The following DHX16 variants were observed in gnomAD, a reference collection of about 807,000 sequenced individuals.
The protein encoded by DHX16 is DEAH-box helicase 16.
DHX16 carries 81 observed loss-of-function variants against 131.2 expected under a neutral mutation model. The observed-to-expected ratio is 0.62, with a 90% confidence interval of 0.52 to 0.74. DHX16 has a LOEUF of 0.74. DHX16 is among the 30% of genes least tolerant of loss of function. DHX16 has a pLI of 0.00. For missense variants in DHX16, 980 were observed against 1,363.1 expected (o/e 0.72, Z 4.43); for synonymous variants, 440 against 520.2 (o/e 0.85, Z 2.10).
At chr6:30,667,633 G>A (rs1448446837) in intron 4 of DHX16, among the ~76,000 whole-genome samples, 1 of 150,998 alleles carries the variant, frequency 6.6e-6, no homozygotes. Flanking sequence ...AAAATAACAT[G>A]TTCAGGAAAG....
chr6:30,655,107 G>A (rs1404606172), intron 18 of DHX16, 68 bp downstream of exon 18: 2 of 1,584,576 alleles, frequency 1.3e-6, no homozygotes, highest in African/African-American at 1.3e-5. Context: ...AATGCTGCAT[G>A]CCCCCAGAGA....
chr6:30,671,216 G>A lies in DHX16; in HGVS notation c.266C>T (p.Ala89Val), dbSNP rs750449295. The A allele has an allele frequency of 1.9e-6, 3 of 1,612,818 alleles. No individual in the cohort carries two copies. Among genetic ancestry groups the A allele is most frequent in the Non-Finnish European group, 1.7e-6 (2 of 1,180,030 alleles). The stretch of plus-strand genomic sequence containing the variant: ...ATAAGATCGGTTCTTCTCCAGCAGG[G>A]CCCGGGCCTCTCGCTCTGCTGCCCG... ...PARAAEREARALLEKNRSYRL... is the reference protein window; with the variant it reads ...PARAAEREARVLLEKNRSYRL... Residue 89 changes from alanine (A) to valine (V), a missense_variant, in exon 2 of 20, where the codon GCC (alanine) becomes GTC (valine). Physicochemically the swap from Ala to Val is moderately conservative, Grantham distance 64 (BLOSUM62 0). Coordinates refer to ENST00000376442, the MANE Select transcript of DHX16 (RefSeq NM_003587.5).
intron 1 of DHX16, among the ~76,000 whole-genome samples, chr6:30,672,400 C>T (rs1769647321): frequency 6.6e-6 from 1 of 151,870 alleles, no homozygotes; most frequent in Non-Finnish European, 1.5e-5. Context: ...TTAACAAGAA[C>T]CTTGGATGCA....
Position 30,665,299 on chromosome 6 carries a change from G to C in DHX16, c.922-25C>G. The C allele has an allele frequency of 6.3e-7, 1 of 1,599,054 alleles. No homozygotes were observed. Among genetic ancestry groups the C allele is most frequent in the African/African-American group, 1.3e-5 (1 of 74,996 alleles). ...GCTACAGAGAGAGGGGATATGTGAA[G>C]ACTCAAAAACAGGATGTCCTCTCTG... On this transcript the variant is annotated intron_variant, in intron 5 of 19. Transcript: ENST00000376442. This position sits in a 1 kb window ranked among gnomAD's most constrained non-coding sequence, Gnocchi z 4.8.
chr6:30,654,937 G>C, intron 18 of DHX16, 58 bp from the exon 19 acceptor site: 2 of 1,543,662 alleles, frequency 1.3e-6, no homozygotes, highest in Non-Finnish European at 1.8e-6. Flanking sequence ...GGGACCCTAA[G>C]AATGCACTAC....
rs1159776640 is a variant in DHX16, at chr6:30,653,225, C to T, written c.*17G>A. On this transcript the variant is annotated 3_prime_UTR_variant, in exon 20 of 20. Coordinates refer to ENST00000376442, the MANE Select transcript of DHX16 (RefSeq NM_003587.5). ...AAGGAAAAGGAGCTGGTGTCAGGTT[C>T]TGTTTACGTCCTTCTCTTACCCTAG... 2 of 1,607,224 alleles carry T rather than the reference C, an allele frequency of 1.2e-6. No individual in the cohort carries two copies. The highest frequency in any genetic ancestry group is 3.4e-5 in the Admixed American group (2 of 58,422).
At chr6:30,655,360 G>A in intron 17 of DHX16, 24 bp from the exon 18 acceptor site, 2 of 1,613,844 alleles carry the variant, frequency 1.2e-6, no homozygotes, top group Non-Finnish European at 8.5e-7. Context: ...TAAAAAGAAA[G>A]GAGAGATAAT....
rs1768644173 is a variant in DHX16 at position 30,662,875 on chromosome 6, C to A, written c.1428+36G>T. 1.3e-6 allele frequency: 2 copies of A among 1,597,066 alleles called. No homozygotes were observed. Among genetic ancestry groups the A allele is most frequent in the Non-Finnish European group, 1.7e-6 (2 of 1,166,634 alleles). On this transcript the variant is annotated intron_variant, in intron 8 of 19. Coordinates refer to ENST00000376442, the MANE Select transcript of DHX16 (RefSeq NM_003587.5). The surrounding 1 kb of genome is among the most constrained non-coding windows in gnomAD (Gnocchi z 4.7). The stretch of plus-strand genomic sequence containing the variant: ...GGGAACTGTAGACTGAGTCACAGAC[C>A]CCAGACTCTACCCCCCGGTTCCCTA...
In DHX16 at chr6:30,671,115, T is replaced by C. The variant is rs777790354; in HGVS notation, c.367A>G (p.Lys123Glu). The change falls in exon 2 of 20, where the codon AAA (lysine) becomes GAA (glutamate). Residue 123 changes from lysine (K) to glutamate (E), a missense_variant. Around this residue, in one of 3 missense-constraint regions of DHX16, gnomAD observed 457 missense variants for 554.8 expected, o/e 0.82. Transcript: ENST00000376442. ...RAGSSLQKKR[K>E]KRKHLRKKRE... ...TTCTTCCTGAGGTGTTTCCGCTTTT[T>C]ACGTTTCTTCTGGAGGCTGCTTCCA... The C allele has an allele frequency of 7.4e-6, 12 of 1,613,116 alleles. No individual in the cohort carries two copies. The highest frequency in any genetic ancestry group is 1.0e-5 in the Non-Finnish European group (12 of 1,180,046).
At chr6:30,660,780 G>C (rs2127584323) in intron 9 of DHX16, among the ~76,000 whole-genome samples, 1 of 152,150 alleles carries the variant, frequency 6.6e-6, no homozygotes, top group Admixed American at 6.5e-5. Flanking sequence ...TACTTGGGAG[G>C]CTGAGGCAGG....
rs1379434401 is a variant in DHX16 at position 30,665,775 on chromosome 6, G to C, written c.667-42C>G. ...CAGTCGAATCCTCATCTTGCTGGAGGAGCAACCCCTTTCTCTACCAATCCC... is the reference window on the plus strand; with the variant it reads ...CAGTCGAATCCTCATCTTGCTGGAGCAGCAACCCCTTTCTCTACCAATCCC... On this transcript the variant is annotated intron_variant, in intron 4 of 19. Transcript: ENST00000376442. This position sits in a 1 kb window ranked among gnomAD's most constrained non-coding sequence, Gnocchi z 4.8. 6.3e-7 allele frequency: 1 copy of C among 1,584,502 alleles called. No homozygotes were observed. Among genetic ancestry groups the C allele is most frequent in the Non-Finnish European group, 8.5e-7 (1 of 1,170,218 alleles).
At position 30,660,019 on chromosome 6, in the gene DHX16, CCT is replaced by C. The variant is rs1561978723; in HGVS notation, c.1755+11_1755+12del. 2 of 1,611,784 alleles carry C rather than the reference CCT, an allele frequency of 1.2e-6. No homozygotes were observed. The highest frequency in any genetic ancestry group is 2.2e-5 in the East Asian group (1 of 44,846). On this transcript the variant is annotated intron_variant, in intron 10 of 19. Transcript: ENST00000376442. ...CTGCCACAGACTTAAGCCCATCCTC[CCT>C]GAGGGGGCACCTTGGTGTAGAAGAT...
rs1303475838 is a variant in DHX16, at chr6:30,665,720, C to T, written c.680G>A (p.Arg227Gln). ...CAGGTACTCTCGGCGAGATTTCTTC[C>T]GCAGCTCAGGGACCTGAGTTGGGAA... ...EDRKAMVPEL[R>Q]KKSRREYLAK... is the part of the protein sequence containing the mutation. The change falls in exon 5 of 20, where the codon CGG becomes CAG. Residue 227 changes from arginine (R) to glutamine (Q), a missense_variant. By Grantham distance (43) the Arg-to-Gln change is conservative. Transcript: ENST00000376442. This position sits in a 1 kb window ranked among gnomAD's most constrained non-coding sequence, Gnocchi z 4.8. 1 of 1,609,900 alleles carries T rather than the reference C, an allele frequency of 6.2e-7. No homozygotes were observed. Among genetic ancestry groups the T allele is most frequent in the South Asian group, 1.1e-5 (1 of 91,088 alleles).
intron 10 of DHX16, 87 bp downstream of exon 10, chr6:30,659,945 T>C (rs1243380823): frequency 4.5e-6 from 7 of 1,551,946 alleles, no homozygotes; most frequent in African/African-American, 1.4e-5. Context: ...GAACCTTCCA[T>C]TCCATCTTTC....
intron 9 of DHX16, chr6:30,661,823 G>C: frequency 1.4e-6 from 1 of 717,866 alleles, no homozygotes; most frequent in Non-Finnish European, 2.6e-6. Context: ...AAAAACATCT[G>C]CATCAGACAC....
Position 30,660,168 on chromosome 6 carries a change from G to A in DHX16, c.1619C>T (p.Ala540Val). ...DILFGLIKDV[A>V]RFRPELKVLV... ...GACCTTGAGCTCAGGTCGGAAGCGAGCAACATCCTTGATCAATCCAAAGAG... is the reference window on the plus strand; with the variant it reads ...GACCTTGAGCTCAGGTCGGAAGCGAACAACATCCTTGATCAATCCAAAGAG... Residue 540 changes from alanine (A) to valine (V), a missense_variant, in exon 10 of 20, where the codon GCT becomes GTT. By Grantham distance (64) the Ala-to-Val change is moderately conservative (BLOSUM62 0). Around this residue, in one of 3 missense-constraint regions of DHX16, gnomAD observed 309 missense variants for 537.1 expected, o/e 0.58. Coordinates refer to ENST00000376442, the MANE Select transcript of DHX16 (RefSeq NM_003587.5). 1.3e-6 allele frequency: 2 copies of A among 1,591,400 alleles called. No individual in the cohort carries two copies. Among genetic ancestry groups the A allele is most frequent in the Non-Finnish European group, 1.7e-6 (2 of 1,168,742 alleles).
chr6:30,660,305 A>G (rs3130000), intron 9 of DHX16, 63 bp from the exon 10 acceptor site: 1,236,887 of 1,340,388 alleles, frequency 0.92, 571,334 homozygotes, highest in East Asian at 1. Flanking sequence ...CAGACACCAG[A>G]GTTAACTGGA....
In DHX16 at chr6:30,659,459, T is replaced by A; in HGVS notation, c.2007+13A>T. 1 of 1,577,482 alleles carries A rather than the reference T, an allele frequency of 6.3e-7. No homozygotes were observed. Among genetic ancestry groups the A allele is most frequent in the African/African-American group, 1.3e-5 (1 of 74,256 alleles). ...AAGCATAGGGGTGAAGAGTGTGGGT[T>A]TCTCCAACTGACCTTTCGTGCCCCA... is the stretch of plus-strand genomic sequence containing the variant. On this transcript the variant is annotated intron_variant, in intron 12 of 19. Transcript: ENST00000376442.
chr6:30,670,527 C>T lies in DHX16; in HGVS notation c.610-61G>A. On this transcript the variant is annotated intron_variant, in intron 3 of 19. Coordinates refer to ENST00000376442, the MANE Select transcript of DHX16 (RefSeq NM_003587.5). This position sits in a 1 kb window ranked among gnomAD's most constrained non-coding sequence, Gnocchi z 4.4. ...CAAAGAGCCCCCACACTGACAGCTG[C>T]TCCCCTCTAGAATCACAAGGATCAT... 1 of 1,538,056 alleles carries T rather than the reference C, an allele frequency of 6.5e-7. No homozygotes were observed. Among genetic ancestry groups the T allele is most frequent in the Non-Finnish European group, 8.9e-7 (1 of 1,122,484 alleles).
Sources: allele counts gnomAD v4.1 joint callset (sites outside exome capture counted in the v4.1 genomes callset), GRCh38; gene constraint gnomAD v4.1.1; regional missense constraint gnomAD v4.1.1; non-coding constraint Gnocchi (gnomAD v3.1); transcripts MANE v1.5; gene names NCBI Gene and HGNC (gene_info 2026-07-23, HGNC 2026-07-21).